Variants in PKIA observed in about 807,000 individuals in gnomAD.
PKIA encodes the protein cAMP-dependent protein kinase inhibitor alpha.
PKIA carries 4 observed loss-of-function variants against 7.6 expected under a neutral mutation model. The ratio of observed to expected loss-of-function variants is 0.52; its 90% confidence interval spans 0.26 to 1.20. PKIA has a LOEUF of 1.20. PKIA is among the 50% of genes most tolerant of loss of function. The probability of loss-of-function intolerance (pLI) is 0.13; values close to 1 mark genes in which losing one functional copy is unlikely to be tolerated. For missense variants in PKIA, 73 were observed against 86.2 expected, an observed-to-expected ratio of 0.85 and a Z score of 0.61; for synonymous variants, 21 against 30.7, an observed-to-expected ratio of 0.68 and a Z score of 1.04.
At chr8:78,565,977 T>C (rs895189141) in intron 1 of PKIA, among the ~76,000 whole-genome samples, 1 of 151,958 alleles carries the variant, frequency 6.6e-6, no homozygotes, top group Non-Finnish European at 1.5e-5. Flanking sequence ...CAGTGTTCGA[T>C]AAAGATTTAA....
intron 1 of PKIA, among the ~76,000 whole-genome samples, chr8:78,526,983 C>A (rs184297028): frequency 2.0e-4 from 30 of 152,078 alleles, no homozygotes; most frequent in African/African-American, 6.3e-4. Context: ...AGTACAAAAA[C>A]TGTGTAGGAC....
intron 1 of PKIA, among the ~76,000 whole-genome samples, chr8:78,521,803 C>CA (rs565309720): frequency 6.6e-6 from 1 of 151,986 alleles, no homozygotes; most frequent in South Asian, 2.1e-4. Flanking sequence ...TCACCACTAT[C>CA]AGTTTTCAGA....
At chr8:78,554,471 C>T (rs1356849059) in intron 1 of PKIA, among the ~76,000 whole-genome samples, 2 of 139,690 alleles carry the variant, frequency 1.4e-5, no homozygotes, top group African/African-American at 5.9e-5. Context: ...AGGTAAAGGG[C>T]AAGCTAAGAA....
chr8:78,554,607 AG>A (rs1807080330), intron 1 of PKIA, among the ~76,000 whole-genome samples: 1 of 151,946 alleles, frequency 6.6e-6, no homozygotes, highest in African/African-American at 2.4e-5. Context: ...CAGGATGAAA[AG>A]TAAGCTGCTG....
intron 1 of PKIA, among the ~76,000 whole-genome samples, chr8:78,549,991 G>T (rs367678941): frequency 1.3e-5 from 2 of 152,000 alleles, no homozygotes; most frequent in East Asian, 3.9e-4. Flanking sequence ...AAAATGCTAG[G>T]TATCATTGAG....
At chr8:78,581,081 A>G (rs1244813105) in intron 2 of PKIA, among the ~76,000 whole-genome samples, 3 of 152,024 alleles carry the variant, frequency 2.0e-5, no homozygotes, top group South Asian at 2.1e-4. Context: ...TCTAGATACA[A>G]TTCTCCTAGT....
intron 2 of PKIA, among the ~76,000 whole-genome samples, chr8:78,574,462 C>G (rs966731062): frequency 6.6e-6 from 1 of 151,910 alleles, no homozygotes; most frequent in Admixed American, 6.6e-5. Context: ...AGCTATTTCT[C>G]TATATTCTGC....
rs1391180293 is a variant in PKIA at position 78,539,164 on chromosome 8, AAAT to A, written c.-157+22700_-157+22702del. On this transcript the variant is annotated intron_variant, in intron 1 of 3. Transcript: ENST00000396418. ...ATGAGATCCAATTAATGGGCAAAAG[AAAT>A]AATTTTCTGAACAGTAACATTTGGG... is the stretch of plus-strand genomic sequence containing the variant. Among the ~76,000 whole-genome samples, 4 of 152,230 alleles carry A rather than the reference AAAT, an allele frequency of 2.6e-5. No homozygotes were observed. In the East Asian group the frequency reaches 7.7e-4, roughly 29 times the overall value.
chr8:78,544,838 T>G (rs1419403701), intron 1 of PKIA, among the ~76,000 whole-genome samples: 1 of 152,152 alleles, frequency 6.6e-6, no homozygotes, highest in Non-Finnish European at 1.5e-5. Context: ...TTCAAATAAT[T>G]TCTTAGAAGG....
intron 2 of PKIA, among the ~76,000 whole-genome samples, chr8:78,578,144 C>T (rs180769222): frequency 6.6e-6 from 1 of 151,978 alleles, no homozygotes; most frequent in African/African-American, 2.4e-5. Flanking sequence ...AATCAGAAAA[C>T]CTGAGTCTTA....
intron 2 of PKIA, among the ~76,000 whole-genome samples, chr8:78,590,645 T>G (rs981445839): frequency 6.7e-6 from 1 of 149,672 alleles, no homozygotes; most frequent in African/African-American, 2.5e-5. Context: ...TACTTGTCAC[T>G]ATTTTTTTTT....
At chr8:78,530,069 G>C (rs1484472552) in intron 1 of PKIA, among the ~76,000 whole-genome samples, 1 of 151,528 alleles carries the variant, frequency 6.6e-6, no homozygotes, top group African/African-American at 2.4e-5. Flanking sequence ...AGTAGAAGAA[G>C]GTAAGTTTTC....
Position 78,567,823 on chromosome 8 carries a change from G to C in PKIA, c.-156-4988G>C, listed in dbSNP as rs908917897. Among the ~76,000 whole-genome samples, 3 of 152,066 alleles carry C rather than the reference G, an allele frequency of 2.0e-5. No individual in the cohort carries two copies. The South Asian group carries it at 6.2e-4, about 32-fold the overall frequency. ...CTGTGGACATTAATTTTATACTTGG[G>C]ATTATATACCACTTTATTTTGTTGC... On this transcript the variant is annotated intron_variant, in intron 1 of 3. Transcript: ENST00000396418.
intron 2 of PKIA, among the ~76,000 whole-genome samples, chr8:78,587,755 T>G (rs1207024112): frequency 6.6e-6 from 1 of 152,206 alleles, no homozygotes; most frequent in African/African-American, 2.4e-5. Context: ...TAAAAAATCT[T>G]TTGTTATAAT....
chr8:78,560,172 C>T (rs1163295976), intron 1 of PKIA, among the ~76,000 whole-genome samples: 1 of 152,140 alleles, frequency 6.6e-6, no homozygotes, highest in Non-Finnish European at 1.5e-5. Flanking sequence ...AAAACTAGAG[C>T]AGAATCTGGG....
intron 2 of PKIA, among the ~76,000 whole-genome samples, chr8:78,597,951 G>A (rs1585932953): frequency 2.0e-5 from 3 of 151,802 alleles, no homozygotes; most frequent in Admixed American, 6.6e-5. Context: ...AATTAATGCA[G>A]GAACAGAAAA....
At chr8:78,529,937 G>A (rs747407022) in intron 1 of PKIA, among the ~76,000 whole-genome samples, 7 of 152,024 alleles carry the variant, frequency 4.6e-5, no homozygotes, top group East Asian at 1.9e-4. Context: ...GTAGAACTGC[G>A]TAAAAAGAAA....
At chr8:78,519,815 T>C (rs941824521) in intron 1 of PKIA, among the ~76,000 whole-genome samples, 1 of 152,156 alleles carries the variant, frequency 6.6e-6, no homozygotes, top group African/African-American at 2.4e-5. Flanking sequence ...TTGTACCCCA[T>C]GGTGGCATGC....
chr8:78,533,125 A>T (rs1036750208), intron 1 of PKIA, among the ~76,000 whole-genome samples: 6 of 151,988 alleles, frequency 3.9e-5, no homozygotes, highest in African/African-American at 2.4e-5. Flanking sequence ...GTCCTTGCAG[A>T]TGAGTCAGGT....
Sources: allele counts gnomAD v4.1 joint callset (sites outside exome capture counted in the v4.1 genomes callset), GRCh38; gene constraint gnomAD v4.1.1; transcripts MANE v1.5; gene names NCBI Gene and HGNC (gene_info 2026-07-23, HGNC 2026-07-21).